Variants in ARMC8 observed in about 807,000 individuals in gnomAD.
The protein encoded by ARMC8 is armadillo repeat containing 8.
Under a neutral mutation model 99.3 loss-of-function variants are expected in ARMC8, and 20 were observed. The ratio of observed to expected loss-of-function variants is 0.20; its 90% CI spans 0.14 to 0.29. The LOEUF is 0.29. Among genes scored for constraint, ARMC8 ranks in the 10% least tolerant of loss-of-function variants. The probability of loss-of-function intolerance (pLI) is 1.00; values close to 1 mark genes in which losing one functional copy is unlikely to be tolerated. For missense variants in ARMC8, 569 were observed against 809.5 expected, an observed-to-expected ratio of 0.70 and a Z score of 3.60; for synonymous variants, 263 against 278.3, an observed-to-expected ratio of 0.95 and a Z score of 0.55.
intron 11 of ARMC8, among the ~76,000 whole-genome samples, chr3:138,243,680 G>C: frequency 6.6e-6 from 1 of 151,980 alleles, no homozygotes; most frequent in Admixed American, 6.6e-5. Context: ...GCTTTCTGTG[G>C]AATTTTTTGT....
Position 138,296,094 on chromosome 3 carries a change from GTGTTT to G in ARMC8, c.*210_*214del. 2 of 497,360 alleles carry G rather than the reference GTGTTT, an allele frequency of 4.0e-6. No individual in the cohort carries two copies. Among genetic ancestry groups the G allele is most frequent in the East Asian group, 3.4e-5 (1 of 29,176 alleles). The allele number at this position is 497,360 out of a possible 1,614,324, so 30.8% of individuals were successfully genotyped here. ...GTAGTAATTTCCTCAGAAGACTCTT[GTGTTT>G]TGTTTTGGTTTTTTTTTCTGAGCTA... is the stretch of plus-strand genomic sequence containing the variant. On this transcript the variant is annotated 3_prime_UTR_variant, in exon 22 of 22. Coordinates refer to ENST00000469044, the MANE Select transcript of ARMC8 (RefSeq NM_001363941.2).
chr3:138,229,178 A>ATGTATATGTATATGTATATGTATATG (rs1317802461), intron 6 of ARMC8, 168 bp downstream of exon 6: 1 of 32,078 alleles, frequency 3.1e-5, no homozygotes, highest in Non-Finnish European at 6.4e-5. Flanking sequence ...ATATATATAT[A>ATGTATATGTATATGTATATGTATATG]TATATGTATA....
chr3:138,223,731 A>G lies in ARMC8; in HGVS notation c.433A>G (p.Thr145Ala), dbSNP rs1186060704. Residue 145 changes from threonine to alanine, a missense_variant and splice_region_variant, in exon 5 of 22, where the codon ACA becomes GCA. Physicochemically the swap from Thr to Ala is moderately conservative, Grantham distance 58. Coordinates refer to ENST00000469044, the MANE Select transcript of ARMC8 (RefSeq NM_001363941.2). The stretch of plus-strand genomic sequence containing the variant: ...TGTCACTCCAGAGGAGCTACTGTAT[A>G]CAGTGAGTTTTAGATGTATTTGAGA... ...SPVTPEELLY[T>A]DATVIPHLMA... The G allele has an allele frequency of 6.2e-7, 1 of 1,612,810 alleles. No individual in the cohort carries two copies. Among genetic ancestry groups the G allele is most frequent in the African/African-American group, 1.3e-5 (1 of 74,906 alleles).
chr3:138,204,467 C>T (rs190084737), intron 1 of ARMC8, among the ~76,000 whole-genome samples: 1 of 152,266 alleles, frequency 6.6e-6, no homozygotes, highest in East Asian at 1.9e-4. Context: ...TCTACTTCTC[C>T]CTCTAGCTAC....
At chr3:138,205,144 C>T (rs1377229222) in intron 1 of ARMC8, among the ~76,000 whole-genome samples, 1 of 144,986 alleles carries the variant, frequency 6.9e-6, no homozygotes, top group African/African-American at 2.6e-5. Flanking sequence ...TCTTAGCCCA[C>T]TGCAACCTCC....
In ARMC8 at chr3:138,187,918, C is replaced by T. The variant is rs578075943; in HGVS notation, c.45+319C>T. ...GGACTTTGCCAAGCGTTTCACTGAG[C>T]CTTCCTTTTAGCGATGCCGCTTCCC... On this transcript the variant is annotated intron_variant, in intron 1 of 21. Transcript: ENST00000469044. 11 of 413,786 alleles carry T rather than the reference C, an allele frequency of 2.7e-5. No individual in the cohort carries two copies. In the South Asian group the frequency reaches 4.4e-4, roughly 17 times the overall value. The allele number at this position is 413,786 out of a possible 1,614,324, so 25.6% of individuals were successfully genotyped here. A position where few individuals can be genotyped will look rare whatever the true frequency, so the allele number is the denominator to read the frequency against.
intron 5 of ARMC8, among the ~76,000 whole-genome samples, chr3:138,225,586 A>C (rs2108093771): frequency 6.6e-6 from 1 of 152,294 alleles, no homozygotes; most frequent in Non-Finnish European, 1.5e-5. Context: ...GTGTGTGTAT[A>C]TATGTGTATG....
chr3:138,215,146 T>G (rs767305548), intron 2 of ARMC8, among the ~76,000 whole-genome samples: 3 of 152,244 alleles, frequency 2.0e-5, no homozygotes, highest in Non-Finnish European at 4.4e-5. Flanking sequence ...GCTGTTTGTA[T>G]ACATATGTCT....
At chr3:138,271,921 G>A (rs147615172) in intron 16 of ARMC8, among the ~76,000 whole-genome samples, 126 of 151,484 alleles carry the variant, frequency 8.3e-4, no homozygotes, top group Admixed American at 5.9e-4. Flanking sequence ...TCAACCTCCT[G>A]AGTAGCTGGG....
chr3:138,272,890 T>C (rs1226095867), intron 16 of ARMC8, 77 bp from the exon 17 acceptor site: 5 of 1,245,570 alleles, frequency 4.0e-6, no homozygotes, highest in Non-Finnish European at 4.2e-6. Context: ...AAAAAAAAAT[T>C]ACCAGAGTTA....
intron 1 of ARMC8, among the ~76,000 whole-genome samples, chr3:138,197,304 A>T (rs1044817816): frequency 6.6e-6 from 1 of 152,202 alleles, no homozygotes; most frequent in African/African-American, 2.4e-5. Flanking sequence ...CACCATGGAT[A>T]GCTCCAAGGC....
In ARMC8 at chr3:138,205,707, G is replaced by A. The variant is rs576056832; in HGVS notation, c.46-4110G>A. On this transcript the variant is annotated intron_variant, in intron 1 of 21. Coordinates refer to ENST00000469044, the MANE Select transcript of ARMC8 (RefSeq NM_001363941.2). ...AATCCCAGCACTCTGGGAGGCTGAG[G>A]TGGGAGGATCGCTTGAGGTCAGGAA... Among the ~76,000 whole-genome samples the A allele has an allele frequency of 3.3e-5, 5 of 152,270 alleles. No individual in the cohort carries two copies. In the South Asian group the frequency reaches 1.0e-3, roughly 32 times the overall value.
At chr3:138,209,923 A>G (rs1327565673) in intron 2 of ARMC8, 30 bp downstream of exon 2, 8 of 1,563,686 alleles carry the variant, frequency 5.1e-6, no homozygotes, top group Middle Eastern at 1.7e-4. Flanking sequence ...GAGTCTATCA[A>G]AAAGTTGTTT....
chr3:138,266,541 T>C (rs540543241), intron 14 of ARMC8, among the ~76,000 whole-genome samples: 1 of 152,336 alleles, frequency 6.6e-6, no homozygotes, highest in South Asian at 2.1e-4. Context: ...TATTATTCAC[T>C]ATATCACATT....
intron 18 of ARMC8, among the ~76,000 whole-genome samples, chr3:138,282,475 G>A (rs908103249): frequency 3.3e-5 from 5 of 151,994 alleles, no homozygotes; most frequent in Middle Eastern, 6.8e-3. Flanking sequence ...GTGAAATCCC[G>A]TCTCTACTAA....
intron 1 of ARMC8, among the ~76,000 whole-genome samples, chr3:138,192,197 G>A (rs938087487): frequency 1.3e-5 from 2 of 150,852 alleles, no homozygotes; most frequent in Admixed American, 6.6e-5. Context: ...TAGATGTGTA[G>A]TAATATCTCA....
rs534393334 is a variant in ARMC8 at position 138,260,316 on chromosome 3, G to C, written c.1135-3423G>C. Among the ~76,000 whole-genome samples, 8 of 152,214 alleles carry C rather than the reference G, an allele frequency of 5.3e-5. No homozygotes were observed. The East Asian group carries it at 9.6e-4, about 18-fold the overall frequency. On this transcript the variant is annotated intron_variant, in intron 12 of 21. Transcript: ENST00000469044. ...CTAACATGATCCTTATTCACCTGCT[G>C]ATTACAAAAGATTGGAGATAAAATA...
intron 12 of ARMC8, chr3:138,245,385 C>T (rs757190535): frequency 7.1e-5 from 100 of 1,400,140 alleles, no homozygotes; most frequent in Non-Finnish European, 9.0e-5. Context: ...GTGGCATGGC[C>T]GTGCTGGAAT....
intron 12 of ARMC8, among the ~76,000 whole-genome samples, chr3:138,257,799 A>T (rs184191457): frequency 6.6e-6 from 1 of 152,182 alleles, no homozygotes; most frequent in African/African-American, 2.4e-5. Flanking sequence ...ATCCGCACCC[A>T]GCAGGTCCAG....
Sources: gnomAD v4.1 joint callset for allele counts (sites outside exome capture counted in the v4.1 genomes callset) on GRCh38, gnomAD v4.1.1 for gene constraint, MANE v1.5 for transcripts, NCBI Gene and HGNC (gene_info 2026-07-23, HGNC 2026-07-21) for gene names.